Variants in MKLN1 observed in about 807,000 individuals in gnomAD.
MKLN1 encodes the protein muskelin 1.
A neutral mutation model predicts 99.0 loss-of-function variants in MKLN1; 18 were observed. The ratio of observed to expected loss-of-function variants is 0.18; its 90% confidence interval spans 0.13 to 0.27. MKLN1 has a LOEUF of 0.27. Ranked by LOEUF, MKLN1 falls within the 10% of genes least tolerant of loss-of-function variation. MKLN1 has a pLI of 1.00. For missense variants in MKLN1, 621 were observed against 875.9 expected, an observed-to-expected ratio of 0.71 and a Z score of 3.67; for synonymous variants, 288 against 293.2, an observed-to-expected ratio of 0.98 and a Z score of 0.18.
At chr7:131,286,043 C>T (rs1450076811) in intron 3 of MKLN1, among the ~76,000 whole-genome samples, 5 of 151,932 alleles carry the variant, frequency 3.3e-5, no homozygotes, top group Admixed American at 6.5e-5. Context: ...CTTCGTCTCC[C>T]GGGTTCAAGC....
At chr7:131,292,586 C>T (rs936738130) in intron 3 of MKLN1, among the ~76,000 whole-genome samples, 19 of 152,154 alleles carry the variant, frequency 1.2e-4, no homozygotes, top group African/African-American at 4.6e-4. Context: ...ATGTGAAGAT[C>T]AAGGCTGGAT....
At chr7:131,111,076 G>T (rs1795189847) in intron 1 of MKLN1, among the ~76,000 whole-genome samples, 1 of 151,854 alleles carries the variant, frequency 6.6e-6, no homozygotes, top group Non-Finnish European at 1.5e-5. Flanking sequence ...TTTTAATTAT[G>T]ATTATTCCCT....
chr7:131,379,870 TG>T (rs1008195403), intron 2 of MKLN1, among the ~76,000 whole-genome samples: 89 of 152,142 alleles, frequency 5.8e-4, no homozygotes, highest in African/African-American at 2.1e-3. Context: ...TCAAAAGTGA[TG>T]GGGCCAAGAT....
At chr7:131,192,739 A>G (rs1796586905) in intron 2 of MKLN1, among the ~76,000 whole-genome samples, 1 of 151,640 alleles carries the variant, frequency 6.6e-6, no homozygotes, top group South Asian at 2.1e-4. Flanking sequence ...ATGGGGTTTC[A>G]CCGGGTTGGC....
At chr7:131,378,881 A>G (rs1584673441) in intron 2 of MKLN1, among the ~76,000 whole-genome samples, 1 of 146,170 alleles carries the variant, frequency 6.8e-6, no homozygotes. Flanking sequence ...CAAAGCTGGG[A>G]CTTTTTTTTT....
chr7:131,441,707 A>G (rs1055882565), intron 10 of MKLN1, among the ~76,000 whole-genome samples: 10 of 152,234 alleles, frequency 6.6e-5, no homozygotes, highest in African/African-American at 2.4e-4. Context: ...TCAGCCCTGC[A>G]AACAAATGAG....
chr7:131,314,327 G>A (rs1177361818), intron 3 of MKLN1, among the ~76,000 whole-genome samples: 1 of 152,214 alleles, frequency 6.6e-6, no homozygotes, highest in Non-Finnish European at 1.5e-5. Flanking sequence ...AGCTTTTTCT[G>A]TCTTCCTTTA....
chr7:131,224,598 A>G, intron 3 of MKLN1, among the ~76,000 whole-genome samples: 1 of 151,894 alleles, frequency 6.6e-6, no homozygotes, highest in Non-Finnish European at 1.5e-5. Context: ...AAAAATTAGC[A>G]GGGCATGGTG....
intron 2 of MKLN1, among the ~76,000 whole-genome samples, chr7:131,191,481 GAGA>G (rs1225744732): frequency 1.3e-5 from 2 of 152,186 alleles, no homozygotes; most frequent in Non-Finnish European, 2.9e-5. Flanking sequence ...ATGTGAAGGA[GAGA>G]AGGAGTACAG....
intron 2 of MKLN1, among the ~76,000 whole-genome samples, chr7:131,162,362 T>C (rs867847774): frequency 6.6e-6 from 1 of 152,150 alleles, no homozygotes; most frequent in Admixed American, 6.6e-5. Flanking sequence ...GTGTGTTATA[T>C]TTTTTACTGT....
intron 1 of MKLN1, among the ~76,000 whole-genome samples, chr7:131,375,012 AT>A (rs1261699025): frequency 2.0e-5 from 3 of 150,586 alleles, no homozygotes; most frequent in African/African-American, 7.3e-5. Flanking sequence ...GACATGATCC[AT>A]CATAGCACAC....
intron 12 of MKLN1, among the ~76,000 whole-genome samples, chr7:131,454,115 T>C (rs926795813): frequency 3.3e-5 from 5 of 151,376 alleles, no homozygotes; most frequent in Admixed American, 2.0e-4. Context: ...ACAAAAAATA[T>C]ATTTTTTTGA....
intron 3 of MKLN1, among the ~76,000 whole-genome samples, chr7:131,207,153 A>G (rs1453967599): frequency 6.6e-6 from 1 of 152,156 alleles, no homozygotes; most frequent in African/African-American, 2.4e-5. Context: ...TTCTATAGGC[A>G]AGTCTAGAAG....
intron 3 of MKLN1, among the ~76,000 whole-genome samples, chr7:131,275,576 T>A (rs1387615516): frequency 1.7e-3 from 159 of 95,266 alleles, no homozygotes; most frequent in African/African-American, 4.3e-3. Flanking sequence ...TATTTTTTTT[T>A]TTTTTTTTTT....
At chr7:131,377,015 A>G (rs1793685884) in intron 2 of MKLN1, among the ~76,000 whole-genome samples, 1 of 152,084 alleles carries the variant, frequency 6.6e-6, no homozygotes, top group Non-Finnish European at 1.5e-5. Flanking sequence ...GTTCATTTTC[A>G]CTACCATATA....
chr7:131,185,082 C>G (rs1796429290), intron 2 of MKLN1, among the ~76,000 whole-genome samples: 1 of 152,036 alleles, frequency 6.6e-6, no homozygotes, highest in Non-Finnish European at 1.5e-5. Flanking sequence ...TGGGAGAAAT[C>G]AGATCAGAGT....
chr7:131,117,660 A>G (rs556801503), intron 1 of MKLN1, among the ~76,000 whole-genome samples: 1 of 152,336 alleles, frequency 6.6e-6, no homozygotes, highest in Admixed American at 6.5e-5. Context: ...GGTCTGAAAA[A>G]CATTATTTGT....
chr7:131,125,030 AC>A (rs1296023158), intron 1 of MKLN1, among the ~76,000 whole-genome samples: 1 of 152,126 alleles, frequency 6.6e-6, no homozygotes, highest in African/African-American at 2.4e-5. Context: ...GCATCCCCCA[AC>A]CCTGGTCTTG....
At chr7:131,215,014 T>C (rs1796958584) in intron 3 of MKLN1, among the ~76,000 whole-genome samples, 1 of 152,228 alleles carries the variant, frequency 6.6e-6, no homozygotes, top group Admixed American at 6.5e-5. Context: ...AATACTGAGA[T>C]GTAGGGTTAC....
Sources: gnomAD v4.1 joint callset for allele counts (sites outside exome capture counted in the v4.1 genomes callset) on GRCh38, gnomAD v4.1.1 for gene constraint, MANE v1.5 for transcripts, NCBI Gene and HGNC (gene_info 2026-07-23, HGNC 2026-07-21) for gene names.